The following ACOT13 variants were observed in gnomAD, a reference collection of about 807,000 sequenced individuals.
ACOT13 encodes acyl-coenzyme A thioesterase 13.
A neutral mutation model predicts 11.8 loss-of-function variants in ACOT13; 10 were observed. The observed-to-expected ratio is 0.85, with a 90% CI of 0.53 to 1.44. The LOEUF (loss-of-function observed/expected upper bound fraction) is 1.44, where lower values mean the gene tolerates loss of function less well. Ranked by LOEUF, ACOT13 falls within the 40% of genes most tolerant of loss-of-function variation. The probability of loss-of-function intolerance (pLI) is 0.00; values close to 1 mark genes in which losing one functional copy is unlikely to be tolerated. For synonymous variants in ACOT13, 53 were observed against 61.0 expected, an observed-to-expected ratio of 0.87 and a Z score of 0.61; for missense variants, 172 against 174.1, an observed-to-expected ratio of 0.99 and a Z score of 0.07.
chr6:24,672,028 C>A (rs1376594824), intron 1 of ACOT13, among the ~76,000 whole-genome samples: 2 of 152,148 alleles, frequency 1.3e-5, no homozygotes, highest in Non-Finnish European at 2.9e-5. Flanking sequence ...TTTTGGACTT[C>A]AGGGAATCTA....
chr6:24,703,213 C>G lies in ACOT13; in HGVS notation c.*1598C>G, dbSNP rs1382094033. ...ATTTCTGTCAGGGAATCTTAATGAA[C>G]ATTTCATGACTAAAGACTAAAAAGG... On this transcript the variant is annotated 3_prime_UTR_variant, in exon 3 of 3. Coordinates refer to ENST00000230048, the MANE Select transcript of ACOT13 (RefSeq NM_018473.4). The G allele has an allele frequency of 6.6e-6, 1 of 152,206 alleles. No individual in the cohort carries two copies. Among genetic ancestry groups the G allele is most frequent in the Non-Finnish European group, 1.5e-5 (1 of 68,026 alleles). The allele number at this position is 152,206 out of a possible 1,614,324, so 9.4% of individuals were successfully genotyped here. A position where few individuals can be genotyped will look rare whatever the true frequency, so the allele number is the denominator to read the frequency against.
intron 2 of ACOT13, among the ~76,000 whole-genome samples, chr6:24,698,459 A>G (rs1488618884): frequency 1.3e-5 from 2 of 152,178 alleles, no homozygotes; most frequent in African/African-American, 4.8e-5. Flanking sequence ...GGCCGAGGCA[A>G]GAGGATTGCT....
At position 24,705,014 on chromosome 6, in the gene ACOT13, AG is replaced by A. The variant is rs528517584; in HGVS notation, c.*3400del. ...TTACTCCAAAGGAGTAGGATCATTC[AG>A]ATTTACTCCAATAAAAGTATGCAAC... On this transcript the variant is annotated 3_prime_UTR_variant, in exon 3 of 3. Transcript: ENST00000230048. 90 of 152,064 alleles carry A rather than the reference AG, an allele frequency of 5.9e-4. No individual in the cohort carries two copies. Among genetic ancestry groups the A allele is most frequent in the African/African-American group, 1.8e-3 (73 of 41,392 alleles). The allele number at this position is 152,064 out of a possible 1,614,324, so 9.4% of individuals were successfully genotyped here. A position where few individuals can be genotyped will look rare whatever the true frequency, so the allele number is the denominator to read the frequency against.
chr6:24,696,904 T>A (rs1348041796), intron 1 of ACOT13, among the ~76,000 whole-genome samples: 2 of 151,948 alleles, frequency 1.3e-5, no homozygotes, highest in Non-Finnish European at 2.9e-5. Flanking sequence ...GCCTCCTGAG[T>A]AGCTGAGATT....
chr6:24,703,478 A>G lies in ACOT13; in HGVS notation c.*1863A>G, dbSNP rs888762641. ...GAGGCTGGGACAGAAAGGTTACAGTATCTTATGCATGAAAGGAGATGCTCA... is the reference window on the plus strand; with the variant it reads ...GAGGCTGGGACAGAAAGGTTACAGTGTCTTATGCATGAAAGGAGATGCTCA... On this transcript the variant is annotated 3_prime_UTR_variant, in exon 3 of 3. Transcript: ENST00000230048. 1 of 152,286 alleles carries G rather than the reference A, an allele frequency of 6.6e-6. No homozygotes were observed. The highest frequency in any genetic ancestry group is 6.5e-5 in the Admixed American group (1 of 15,282). 9.4% of individuals were successfully genotyped at this position (152,286 alleles called of 1,614,324 possible).
In ACOT13 at chr6:24,701,663, T is replaced by C. The variant is rs775501057; in HGVS notation, c.*48T>C. 27 of 1,494,030 alleles carry C rather than the reference T, an allele frequency of 1.8e-5. No individual in the cohort carries two copies. In the East Asian group the frequency reaches 5.4e-4, roughly 30 times the overall value. The allele number at this position is 1,494,030 out of a possible 1,614,324, so 92.5% of individuals were successfully genotyped here. ...GAAACCCAACAATGAATATCAAGTATAGATTTGACTCAAACAATTGTAATT... is the reference window on the plus strand; with the variant it reads ...GAAACCCAACAATGAATATCAAGTACAGATTTGACTCAAACAATTGTAATT... On this transcript the variant is annotated 3_prime_UTR_variant, in exon 3 of 3. Transcript: ENST00000230048.
intron 1 of ACOT13, among the ~76,000 whole-genome samples, chr6:24,690,993 A>T (rs1359070276): frequency 1.3e-5 from 2 of 152,154 alleles, no homozygotes; most frequent in African/African-American, 4.8e-5. Context: ...TCTGTATATT[A>T]TTGAAAATAT....
At chr6:24,694,656 C>T (rs973803850) in intron 1 of ACOT13, among the ~76,000 whole-genome samples, 1 of 152,118 alleles carries the variant, frequency 6.6e-6, no homozygotes, top group African/African-American at 2.4e-5. Context: ...TTGCATTGGC[C>T]TCTTCCCCAG....
At chr6:24,681,730 G>A (rs1778554645) in intron 1 of ACOT13, among the ~76,000 whole-genome samples, 2 of 152,080 alleles carry the variant, frequency 1.3e-5, no homozygotes. Context: ...GGTGCCTAAG[G>A]ACACAACGCA....
intron 1 of ACOT13, chr6:24,687,454 C>T: frequency 1.5e-6 from 2 of 1,318,488 alleles, no homozygotes; most frequent in Non-Finnish European, 9.7e-7. Flanking sequence ...ACGCACTGTG[C>T]TAGGATCTAG....
chr6:24,687,438 A>C, intron 1 of ACOT13: 1 of 1,230,094 alleles, frequency 8.1e-7, no homozygotes, highest in Non-Finnish European at 1.0e-6. Flanking sequence ...GGGAATATCA[A>C]CTGACACGCA....
At chr6:24,690,332 T>G (rs184665974) in intron 1 of ACOT13, among the ~76,000 whole-genome samples, 78 of 152,318 alleles carry the variant, frequency 5.1e-4, no homozygotes, top group African/African-American at 1.7e-3. Flanking sequence ...CCTCAATCTA[T>G]GGAAGACAGG....
chr6:24,697,985 A>G lies in ACOT13; in HGVS notation c.184A>G (p.Thr62Ala). The G allele has an allele frequency of 6.2e-7, 1 of 1,614,144 alleles. No individual in the cohort carries two copies. Among genetic ancestry groups the G allele is most frequent in the Non-Finnish European group, 8.5e-7 (1 of 1,180,004 alleles). The change falls in exon 2 of 3, where the codon ACG becomes GCG. Residue 62 changes from threonine to alanine, a missense_variant. Transcript: ENST00000230048. ...IGTLHGGLTA[T>A]LVDNISTMAL... is the part of the protein sequence containing the mutation. Reference sequence around the variant, plus strand: ...CACTCTCCACGGCGGTTTGACAGCCACGTTAGTAGATAACATATCAACAAT... The same window carrying G: ...CACTCTCCACGGCGGTTTGACAGCCGCGTTAGTAGATAACATATCAACAAT...
intron 2 of ACOT13, among the ~76,000 whole-genome samples, chr6:24,698,642 GTTT>G (rs536209327): frequency 1.4e-5 from 2 of 141,892 alleles, no homozygotes; most frequent in Non-Finnish European, 1.6e-5. Context: ...CATTGCTGGG[GTTT>G]TTTTTTTTTT....
intron 1 of ACOT13, among the ~76,000 whole-genome samples, chr6:24,675,083 A>G (rs1449829752): frequency 2.6e-5 from 4 of 152,114 alleles, no homozygotes; most frequent in Non-Finnish European, 5.9e-5. Context: ...ATGGCTGCAT[A>G]GTATTCCATG....
At chr6:24,697,714 T>TA (rs1778817773) in intron 1 of ACOT13, among the ~76,000 whole-genome samples, 169 bp from the exon 2 acceptor site, 1 of 152,222 alleles carries the variant, frequency 6.6e-6, no homozygotes, top group Non-Finnish European at 1.5e-5. Flanking sequence ...CCTTTTTCTT[T>TA]AAAAATAACT....
At position 24,704,636 on chromosome 6, in the gene ACOT13, T is replaced by C. The variant is rs971067221; in HGVS notation, c.*3021T>C. The C allele has an allele frequency of 6.6e-6, 1 of 152,248 alleles. No individual in the cohort carries two copies. The highest frequency in any genetic ancestry group is 1.5e-5 in the Non-Finnish European group (1 of 68,040). The allele number at this position is 152,248 out of a possible 1,614,324, so 9.4% of individuals were successfully genotyped here. A position where few individuals can be genotyped will look rare whatever the true frequency, so the allele number is the denominator to read the frequency against. ...AAATAAGAGGACACATGAAAGCATT[T>C]TGAAATTTAAGAATGGCCCTTTCCC... On this transcript the variant is annotated 3_prime_UTR_variant, in exon 3 of 3. Coordinates refer to ENST00000230048, the MANE Select transcript of ACOT13 (RefSeq NM_018473.4).
At chr6:24,681,383 C>T (rs1280710985) in intron 1 of ACOT13, among the ~76,000 whole-genome samples, 3 of 152,202 alleles carry the variant, frequency 2.0e-5, no homozygotes, top group Non-Finnish European at 4.4e-5. Context: ...GGGCTACGCC[C>T]TTATTTACAT....
chr6:24,697,603 A>T (rs999067582), intron 1 of ACOT13, among the ~76,000 whole-genome samples: 5 of 152,250 alleles, frequency 3.3e-5, no homozygotes, highest in African/African-American at 7.2e-5. Context: ...ACATTAAAAA[A>T]TGCCAGGCGT....
Sources: allele counts gnomAD v4.1 joint callset (sites outside exome capture counted in the v4.1 genomes callset), GRCh38; gene constraint gnomAD v4.1.1; transcripts MANE v1.5; gene names NCBI Gene and HGNC (gene_info 2026-07-23, HGNC 2026-07-21).